The following TSHR variants were observed in gnomAD, a reference collection of about 807,000 sequenced individuals.
TSHR encodes the protein thyroid stimulating hormone receptor.
Under a neutral mutation model 64.1 loss-of-function variants are expected in TSHR, and 51 were observed. The ratio of observed to expected loss-of-function variants is 0.80; its 90% CI spans 0.64 to 1.01. The LOEUF is 1.01. Ranked by LOEUF, TSHR falls within the 50% of genes least tolerant of loss-of-function variation. TSHR has a pLI of 0.00. For missense variants in TSHR, 877 were observed against 942.8 expected (o/e 0.93, Z 0.91); for synonymous variants, 361 against 361.9 (o/e 1.00, Z 0.03).
chr14:81,052,125 C>T (rs1236621474), intron 1 of TSHR: 1 of 152,104 alleles, frequency 6.6e-6, no homozygotes, highest in African/African-American at 2.4e-5. Flanking sequence ...ATTGCCCAGA[C>T]CAATGTCAAG....
intron 1 of TSHR, chr14:81,013,548 C>T (rs1269493129): frequency 6.6e-6 from 1 of 152,158 alleles, no homozygotes; most frequent in East Asian, 1.9e-4. Context: ...AATACACATG[C>T]TCTGTTCTCT....
chr14:81,113,195 G>C (rs1297513955), intron 8 of TSHR, among the ~76,000 whole-genome samples: 2 of 152,226 alleles, frequency 1.3e-5, no homozygotes, highest in African/African-American at 4.8e-5. Flanking sequence ...GACAGCAGCA[G>C]TAGAGATGAT....
At chr14:81,009,923 A>AT (rs150978509) in intron 1 of TSHR, among the ~76,000 whole-genome samples, 1,800 of 152,216 alleles carry the variant, frequency 0.012, 19 homozygotes, top group African/African-American at 0.016. Context: ...GTTGGAAGAC[A>AT]AGTTAACTTC....
At chr14:81,088,808 C>T (rs1259218102) in intron 4 of TSHR, among the ~76,000 whole-genome samples, 4 of 152,186 alleles carry the variant, frequency 2.6e-5, no homozygotes, top group South Asian at 2.1e-4. Context: ...TTCATCCAGA[C>T]CTTCAAAACA....
intron 1 of TSHR, among the ~76,000 whole-genome samples, chr14:81,056,282 G>A (rs1014808026): frequency 6.6e-6 from 1 of 152,054 alleles, no homozygotes; most frequent in Non-Finnish European, 1.5e-5. Context: ...GCAGTCTCGG[G>A]TATGTCTTTA....
At chr14:81,089,885 G>A (rs1888590551) in intron 4 of TSHR, among the ~76,000 whole-genome samples, 1 of 152,190 alleles carries the variant, frequency 6.6e-6, no homozygotes, top group Non-Finnish European at 1.5e-5. Context: ...GAGACCTCTG[G>A]CTCCTGCTGC....
chr14:80,967,536 C>T (rs930514347), intron 1 of TSHR, among the ~76,000 whole-genome samples: 1 of 152,072 alleles, frequency 6.6e-6, no homozygotes, highest in African/African-American at 2.4e-5. Context: ...CTGGCCGCCT[C>T]GGCCTCCCAA....
At chr14:80,992,435 ATT>A (rs1888792059) in intron 1 of TSHR, 1 of 148,962 alleles carries the variant, frequency 6.7e-6, no homozygotes, top group Non-Finnish European at 1.5e-5. Flanking sequence ...GTGAGTGACT[ATT>A]TAAGTCTCCT....
Position 81,103,400 on chromosome 14 carries a change from A to G in TSHR, c.615-4975A>G, listed in dbSNP as rs1279908023. 1.1e-5 allele frequency: 11 copies of G among 985,332 alleles called. No individual in the cohort carries two copies. Among genetic ancestry groups the G allele is most frequent in the Non-Finnish European group, 1.3e-5 (11 of 829,944 alleles). 61.0% of individuals were successfully genotyped at this position (985,332 alleles called of 1,614,324 possible). On this transcript the variant is annotated intron_variant, in intron 7 of 9. Coordinates refer to ENST00000298171, the MANE Select transcript of TSHR (RefSeq NM_000369.5). The surrounding 1 kb of genome is among the most constrained non-coding windows in gnomAD (Gnocchi z 4.1). ...ATTTAAACAATGTGTCATCCAAAAG[A>G]GCAATCATCCCCTATCATTCCACTT...
chr14:81,076,242 G>A (rs995403020), intron 3 of TSHR, among the ~76,000 whole-genome samples: 3 of 152,082 alleles, frequency 2.0e-5, no homozygotes, highest in African/African-American at 7.2e-5. Context: ...ATCCTGGTTG[G>A]ACTCCTATCA....
At chr14:80,982,291 A>C in intron 1 of TSHR, 1 of 905,054 alleles carries the variant, frequency 1.1e-6, no homozygotes, top group Non-Finnish European at 1.7e-6. Flanking sequence ...CTCCACATGT[A>C]AAAATGGGGC....
In TSHR at chr14:81,063,859, GA is replaced by G. The variant is rs901473256; in HGVS notation, c.242+1650del. Among the ~76,000 whole-genome samples, 8 of 148,270 alleles carry G rather than the reference GA, an allele frequency of 5.4e-5. No individual in the cohort carries two copies. In the East Asian group the frequency reaches 1.2e-3, roughly 22 times the overall value. ...GGAGAGGAGTTGGGGAAGACTTCCT[GA>G]AAAAAAAAATAGCACCTGACCTGTG... On this transcript the variant is annotated intron_variant, in intron 2 of 9. Transcript: ENST00000298171.
intron 8 of TSHR, among the ~76,000 whole-genome samples, chr14:81,138,257 C>T (rs1239831371): frequency 1.4e-5 from 2 of 142,576 alleles, no homozygotes; most frequent in Non-Finnish European, 3.0e-5. Context: ...ATGGCGTGGT[C>T]TCAGCTCACT....
intron 1 of TSHR, among the ~76,000 whole-genome samples, chr14:80,999,849 G>A (rs559286733): frequency 6.0e-4 from 91 of 151,902 alleles, no homozygotes; most frequent in Non-Finnish European, 1.2e-3. Flanking sequence ...TTATAGGGCT[G>A]CACTGTAGAA....
intron 3 of TSHR, among the ~76,000 whole-genome samples, chr14:81,080,331 T>C (rs1887813117): frequency 1.3e-5 from 2 of 152,172 alleles, no homozygotes; most frequent in Non-Finnish European, 2.9e-5. Context: ...TGCCTTATAG[T>C]ACAATAAGAC....
intron 8 of TSHR, among the ~76,000 whole-genome samples, chr14:81,115,061 A>G (rs576358360): frequency 0.067 from 10,185 of 152,040 alleles, 857 homozygotes; most frequent in East Asian, 0.23. Flanking sequence ...AAAAGTAGAT[A>G]AAACCACAAA....
At chr14:81,112,141 A>G (rs908115401) in intron 8 of TSHR, among the ~76,000 whole-genome samples, 1 of 151,778 alleles carries the variant, frequency 6.6e-6, no homozygotes, top group Non-Finnish European at 1.5e-5. Context: ...CCTGGAGTTG[A>G]CTCCCAGCCC....
intron 1 of TSHR, among the ~76,000 whole-genome samples, chr14:81,008,417 C>T (rs962783248): frequency 5.9e-5 from 9 of 152,046 alleles, no homozygotes; most frequent in African/African-American, 1.9e-4. Flanking sequence ...CATGATCTGC[C>T]CACCTTGGCC....
chr14:81,139,806 C>A lies in TSHR; in HGVS notation c.820C>A (p.Arg274=). The change falls in exon 9 of 10, where the codon CGG becomes AGG. Residue 274 remains arginine, a synonymous_variant. Transcript: ENST00000298171. The part of the protein sequence containing the change: ...PLSLSFLHLT[R]ADLSYPSHCC... ...TTCCTTGAGTTTCCTTCACCTCACA[C>A]GGGCTGACCTTTCTTACCCAAGCCA... 1 of 1,614,204 alleles carries A rather than the reference C, an allele frequency of 6.2e-7. No individual in the cohort carries two copies. The highest frequency in any genetic ancestry group is 8.5e-7 in the Non-Finnish European group (1 of 1,180,046).
Sources: gnomAD v4.1 joint callset for allele counts (sites outside exome capture counted in the v4.1 genomes callset) on GRCh38, gnomAD v4.1.1 for gene constraint, Gnocchi (gnomAD v3.1) non-coding constraint, MANE v1.5 for transcripts, NCBI Gene and HGNC (gene_info 2026-07-23, HGNC 2026-07-21) for gene names.